The following PDAP1 variants were observed in gnomAD, a reference collection of about 807,000 sequenced individuals.
PDAP1 encodes the protein 28 kDa heat- and acid-stable phosphoprotein.
A neutral mutation model predicts 28.0 loss-of-function variants in PDAP1; 13 were observed. The observed-to-expected ratio is 0.46, with a 90% CI of 0.30 to 0.74. PDAP1 has a LOEUF of 0.74. PDAP1 is among the 30% of genes least tolerant of loss of function. The probability of loss-of-function intolerance (pLI) is 0.07; values close to 1 mark genes in which losing one functional copy is unlikely to be tolerated. For synonymous variants in PDAP1, 77 were observed against 85.1 expected (o/e 0.91, Z 0.52); for missense variants, 150 against 230.0 (o/e 0.65, Z 2.25).
At chr7:99,396,954 T>C (rs1185429758) in intron 5 of PDAP1, among the ~76,000 whole-genome samples, 3 of 152,122 alleles carry the variant, frequency 2.0e-5, no homozygotes, top group Non-Finnish European at 4.4e-5. Flanking sequence ...GACCACCTTA[T>C]AGAAAGCTGT....
intron 3 of PDAP1, among the ~76,000 whole-genome samples, chr7:99,402,467 G>GT (rs1186286051): frequency 6.6e-6 from 1 of 150,542 alleles, no homozygotes; most frequent in African/African-American, 2.5e-5. Flanking sequence ...TTAGGTAGAT[G>GT]TGGTGGCGTG....
chr7:99,402,943 A>T (rs1282839110), intron 3 of PDAP1, among the ~76,000 whole-genome samples: 1 of 151,150 alleles, frequency 6.6e-6, no homozygotes, highest in African/African-American at 2.4e-5. Context: ...GCTACACAGG[A>T]GGTGCCCTTG....
At chr7:99,406,976 A>T (rs1191405680) in intron 1 of PDAP1, among the ~76,000 whole-genome samples, 4 of 152,310 alleles carry the variant, frequency 2.6e-5, no homozygotes, top group Admixed American at 6.5e-5. Context: ...CTCTTAATAC[A>T]CCAGGCAACA....
chr7:99,399,424 G>A (rs924534876), intron 4 of PDAP1, among the ~76,000 whole-genome samples: 1 of 150,374 alleles, frequency 6.7e-6, no homozygotes, highest in Admixed American at 6.7e-5. Flanking sequence ...ACAGAAGGAG[G>A]GAGCAACAGG....
intron 3 of PDAP1, among the ~76,000 whole-genome samples, chr7:99,401,738 G>A (rs1431656586): frequency 2.1e-5 from 3 of 146,222 alleles, no homozygotes; most frequent in Non-Finnish European, 4.5e-5. Flanking sequence ...TCACTCTGTC[G>A]CCCAGGCTGG....
At chr7:99,399,872 GGACAGCTGGCTGA>G (rs1352566513) in intron 4 of PDAP1, among the ~76,000 whole-genome samples, 1 of 152,222 alleles carries the variant, frequency 6.6e-6, no homozygotes, top group Non-Finnish European at 1.5e-5. Flanking sequence ...CAGAGGCCTG[GGACAGCTGGCTGA>G]GCTGCGCTGG....
chr7:99,398,793 C>G (rs543084205), intron 4 of PDAP1, among the ~76,000 whole-genome samples: 99 of 152,346 alleles, frequency 6.5e-4, no homozygotes, highest in Middle Eastern at 3.4e-3. Flanking sequence ...CAGACACACC[C>G]AGTCTCAGGT....
intron 4 of PDAP1, 70 bp from the exon 5 acceptor site, chr7:99,398,083 A>C: frequency 6.4e-7 from 1 of 1,573,386 alleles, no homozygotes; most frequent in Non-Finnish European, 8.7e-7. Flanking sequence ...CGGGAGTCAG[A>C]ATAAAGGCCA....
chr7:99,398,685 C>CA (rs747136699), intron 4 of PDAP1, among the ~76,000 whole-genome samples: 6 of 152,126 alleles, frequency 3.9e-5, no homozygotes, highest in Non-Finnish European at 5.9e-5. Context: ...GCCTGGGTGA[C>CA]AGAGTGAAAT....
At chr7:99,407,685 A>T (rs1363681813) in intron 1 of PDAP1, among the ~76,000 whole-genome samples, 2 of 152,166 alleles carry the variant, frequency 1.3e-5, no homozygotes, top group Admixed American at 6.5e-5. Flanking sequence ...GTTTCAGATG[A>T]GGAAGAGGTT....
rs1438139192 is a variant in PDAP1, at chr7:99,400,344, T to C, written c.294A>G (p.Gln98=). 5 of 1,613,900 alleles carry C rather than the reference T, an allele frequency of 3.1e-6. No homozygotes were observed. Among genetic ancestry groups the C allele is most frequent in the Non-Finnish European group, 3.4e-6 (4 of 1,179,890 alleles). The change falls in exon 4 of 6, where the codon CAA becomes CAG. Residue 98 remains glutamine (Q), a synonymous_variant. Coordinates refer to ENST00000350498, the MANE Select transcript of PDAP1 (RefSeq NM_014891.7). ...GCTCCTTTGGCCCGTCCAGATCCAG[T>C]TGTGTGACCTTTTTGGTTGTCTGTG... The part of the protein sequence containing the change: ...RVAQTTKKVT[Q]LDLDGPKELS...
intron 1 of PDAP1, among the ~76,000 whole-genome samples, chr7:99,407,263 G>C (rs1339302095): frequency 2.0e-5 from 3 of 152,160 alleles, no homozygotes; most frequent in Admixed American, 2.0e-4. Context: ...AGACCATTTA[G>C]CTATGAATTC....
At chr7:99,396,872 G>C in intron 5 of PDAP1, 132 bp from the exon 6 acceptor site, 1 of 708,028 alleles carries the variant, frequency 1.4e-6, no homozygotes, top group Non-Finnish European at 2.4e-6. Context: ...GAAGAGCCGA[G>C]GCGTGGGAGA....
chr7:99,397,860 A>T lies in PDAP1; in HGVS notation c.487+2T>A. On this transcript the variant is annotated splice_donor_variant, in intron 5 of 5. Transcript: ENST00000350498. LOFTEE classifies it high-confidence loss of function. ...TCCCTGCGTGCGCAGCCCAGCCCTTACCTTTCCTTTCCTCTTCCTTCTTCC... is the reference window on the plus strand; with the variant it reads ...TCCCTGCGTGCGCAGCCCAGCCCTTTCCTTTCCTTTCCTCTTCCTTCTTCC... 1 of 1,612,126 alleles carries T rather than the reference A, an allele frequency of 6.2e-7. No individual in the cohort carries two copies. The highest frequency in any genetic ancestry group is 1.3e-5 in the African/African-American group (1 of 74,914).
intron 4 of PDAP1, among the ~76,000 whole-genome samples, chr7:99,398,936 C>T (rs899960419): frequency 2.0e-5 from 3 of 152,144 alleles, no homozygotes; most frequent in Non-Finnish European, 2.9e-5. Context: ...GAATGAACCC[C>T]CTAAGTAGAG....
chr7:99,408,560 C>T lies in PDAP1; in HGVS notation c.-12G>A. The T allele has an allele frequency of 1.6e-5, 21 of 1,272,984 alleles. No individual in the cohort carries two copies. The highest frequency in any genetic ancestry group is 2.1e-5 in the Non-Finnish European group (21 of 1,007,342). 78.9% of individuals were successfully genotyped at this position (1,272,984 alleles called of 1,614,324 possible). A position where few individuals can be genotyped will look rare whatever the true frequency, so the allele number is the denominator to read the frequency against. On this transcript the variant is annotated 5_prime_UTR_variant, in exon 1 of 6. Coordinates refer to ENST00000350498, the MANE Select transcript of PDAP1 (RefSeq NM_014891.7). ...CCTCCTTTAGGCATTGCGGCTCCGG[C>T]GGCTGCGGCGGCGGCGGCGGCGCCT...
chr7:99,397,389 G>A (rs1373434000), intron 5 of PDAP1, among the ~76,000 whole-genome samples: 1 of 152,146 alleles, frequency 6.6e-6, no homozygotes, highest in African/African-American at 2.4e-5. Context: ...CTGGAGGGGA[G>A]AGCACAGGAA....
intron 4 of PDAP1, 96 bp downstream of exon 4, chr7:99,400,207 C>A: frequency 7.2e-7 from 1 of 1,384,676 alleles, no homozygotes; most frequent in Non-Finnish European, 1.0e-6. Context: ...CAGAAATAAA[C>A]AGCCACAGCT....
chr7:99,401,303 C>A lies in PDAP1; in HGVS notation c.214-879G>T, dbSNP rs563632990. On this transcript the variant is annotated intron_variant, in intron 3 of 5. Transcript: ENST00000350498. ...TAAATTTGTCCACTCTTCTCCACTG[C>A]CATTGTCACCATCCTAGGGCAAGCC... is the stretch of plus-strand genomic sequence containing the variant. Among the ~76,000 whole-genome samples, 5 of 152,304 alleles carry A rather than the reference C, an allele frequency of 3.3e-5. No individual in the cohort carries two copies. In the East Asian group the frequency reaches 9.7e-4, roughly 29 times the overall value.
Sources: allele counts gnomAD v4.1 joint callset (sites outside exome capture counted in the v4.1 genomes callset), GRCh38; gene constraint gnomAD v4.1.1; transcripts MANE v1.5; gene names NCBI Gene and HGNC (gene_info 2026-07-23, HGNC 2026-07-21).